AP5Z1: variants seen among roughly 807,000 people sequenced by gnomAD.
AP5Z1 encodes the protein adaptor related protein complex 5 subunit zeta 1, also known as AP-5 complex subunit zeta-1.
Under a neutral mutation model 83.0 loss-of-function variants are expected in AP5Z1, and 106 were observed. The observed-to-expected ratio is 1.28, with a 90% confidence interval of 1.09 to 1.50. AP5Z1 has a LOEUF of 1.50. Ranked by LOEUF, AP5Z1 falls within the 40% of genes most tolerant of loss-of-function variation. The pLI is 0.00. For missense variants in AP5Z1, 1,565 were observed against 1,094.2 expected (o/e 1.43, Z -6.07); for synonymous variants, 751 against 514.1 (o/e 1.46, Z -6.23).
Position 4,790,779 on chromosome 7 carries a change from C to T in AP5Z1, c.2045C>T (p.Thr682Ile), listed in dbSNP as rs1272533081. Residue 682 changes from threonine (T) to isoleucine (I), a missense_variant, in exon 16 of 17, where the codon ACC becomes ATC. By Grantham distance (89) the Thr-to-Ile change is moderately conservative. Coordinates refer to ENST00000649063, the MANE Select transcript of AP5Z1 (RefSeq NM_014855.3). ...CTGGAGGCTCTGCTATTCGAGGTCA[C>T]CCAGTGCCGCCCCTCTGCTGCCCTG... ...EALEALLFEV[T>I]QCRPSAALPR... 119 of 1,608,682 alleles carry T rather than the reference C, an allele frequency of 7.4e-5. No individual in the cohort carries two copies. Among genetic ancestry groups the T allele is most frequent in the Non-Finnish European group, 9.9e-5 (117 of 1,178,686 alleles).
In AP5Z1 at chr7:4,791,682, T is replaced by C; in HGVS notation, c.*297T>C. The C allele has an allele frequency of 2.1e-6, 1 of 486,320 alleles. No homozygotes were observed. The highest frequency in any genetic ancestry group is 3.6e-5 in the Admixed American group (1 of 27,626). The allele number at this position is 486,320 out of a possible 1,614,324, so 30.1% of individuals were successfully genotyped here. On this transcript the variant is annotated 3_prime_UTR_variant, in exon 17 of 17. Coordinates refer to ENST00000649063, the MANE Select transcript of AP5Z1 (RefSeq NM_014855.3). ...TGGGTCGGGTGGAGGCTGCTGGGTCTGTTTCCTAGTCTTTTGTTTTTGGAC... is the reference window on the plus strand; with the variant it reads ...TGGGTCGGGTGGAGGCTGCTGGGTCCGTTTCCTAGTCTTTTGTTTTTGGAC...
rs11768079 is a variant in AP5Z1, at chr7:4,785,683, C to G, written c.1131C>G (p.His377Gln). 1 of 1,528,648 alleles carries G rather than the reference C, an allele frequency of 6.5e-7. No homozygotes were observed. The highest frequency in any genetic ancestry group is 1.9e-5 in the Admixed American group (1 of 52,422). The allele number at this position is 1,528,648 out of a possible 1,614,324, so 94.7% of individuals were successfully genotyped here. Reference protein sequence around the residue: ...LLPLAHFFLSHGEAAAVDSEA... With the variant: ...LLPLAHFFLSQGEAAAVDSEA... The stretch of plus-strand genomic sequence containing the variant: ...CCCTCGCCCACTTCTTCCTGAGCCA[C>G]GGTGAGCCCAGGGTGGGGTGGCGCT... The change falls in exon 9 of 17, where the codon CAC (histidine) becomes CAG (glutamine). Residue 377 changes from histidine (H) to glutamine (Q), a missense_variant and splice_region_variant. His to Gln is a conservative substitution (Grantham distance 24). Transcript: ENST00000649063.
At chr7:4,783,574 G>T in intron 4 of AP5Z1, 114 bp downstream of exon 4, 2 of 1,533,416 alleles carry the variant, frequency 1.3e-6, no homozygotes, top group Non-Finnish European at 1.8e-6. Flanking sequence ...GGGGAGGCCC[G>T]AGGGTTTGGG....
At chr7:4,783,048 C>T (rs1031769777) in intron 3 of AP5Z1, among the ~76,000 whole-genome samples, 10 of 152,194 alleles carry the variant, frequency 6.6e-5, no homozygotes, top group East Asian at 1.9e-4. Flanking sequence ...CCATGGTGGC[C>T]GCCAGTGTGT....
At position 4,791,549 on chromosome 7, in the gene AP5Z1, T is replaced by C. The variant is rs1583243909; in HGVS notation, c.*164T>C. ...CACAGACACGCGGGGCTGGCCCCCCTGCTCACCCTCTGGGCTTTGTCTCCG... is the reference window on the plus strand; with the variant it reads ...CACAGACACGCGGGGCTGGCCCCCCCGCTCACCCTCTGGGCTTTGTCTCCG... On this transcript the variant is annotated 3_prime_UTR_variant, in exon 17 of 17. Coordinates refer to ENST00000649063, the MANE Select transcript of AP5Z1 (RefSeq NM_014855.3). The C allele has an allele frequency of 9.6e-7, 1 of 1,044,900 alleles. No homozygotes were observed. The highest frequency in any genetic ancestry group is 1.4e-6 in the Non-Finnish European group (1 of 736,254). 64.7% of individuals were successfully genotyped at this position (1,044,900 alleles called of 1,614,324 possible).
chr7:4,788,972 C>T (rs1781653443), intron 13 of AP5Z1, 21 bp downstream of exon 13: 1 of 1,598,764 alleles, frequency 6.3e-7, no homozygotes, highest in East Asian at 2.3e-5. Flanking sequence ...TGCCTGGGGC[C>T]CCCCATTCCC....
chr7:4,782,262 C>T (rs1781403050), intron 3 of AP5Z1, among the ~76,000 whole-genome samples: 2 of 152,102 alleles, frequency 1.3e-5, no homozygotes, highest in Admixed American at 1.3e-4. Context: ...CACTATGTTG[C>T]CCAGGCTGGT....
chr7:4,784,121 C>G, intron 5 of AP5Z1, 82 bp from the exon 6 acceptor site: 1 of 1,459,750 alleles, frequency 6.9e-7, no homozygotes, highest in Non-Finnish European at 9.1e-7. Context: ...TTCTCCTCCA[C>G]CTCCTGAGGA....
rs1217138575 is a variant in AP5Z1 at position 4,791,008 on chromosome 7, C to CTGAGCTAAAGCCACTCTGCT, written c.2154-106_2154-87dup. The CTGAGCTAAAGCCACTCTGCT allele has an allele frequency of 2.7e-6, 4 of 1,468,812 alleles. No individual in the cohort carries two copies. The African/African-American group carries it at 5.6e-5, about 21-fold the overall frequency. The allele number at this position is 1,468,812 out of a possible 1,614,324, so 91.0% of individuals were successfully genotyped here. A position where few individuals can be genotyped will look rare whatever the true frequency, so the allele number is the denominator to read the frequency against. ...CAGCGCAGGTCCTGGGTGGGCCCTG[C>CTGAGCTAAAGCCACTCTGCT]TGAGCTAAAGCCACTCTGCTGGGCG... On this transcript the variant is annotated intron_variant, in intron 16 of 16. Coordinates refer to ENST00000649063, the MANE Select transcript of AP5Z1 (RefSeq NM_014855.3).
intron 13 of AP5Z1, 164 bp downstream of exon 13, chr7:4,789,115 G>A (rs961794477): frequency 3.7e-5 from 23 of 614,442 alleles, no homozygotes; most frequent in Admixed American, 3.1e-4. Flanking sequence ...CCACAGCCCC[G>A]GCAGGCCCCG....
At chr7:4,788,092 C>A in intron 11 of AP5Z1, 62 bp from the exon 12 acceptor site, 8 of 1,459,156 alleles carry the variant, frequency 5.5e-6, no homozygotes, top group Non-Finnish European at 3.6e-6. Flanking sequence ...GTCTCCCTGA[C>A]GGGGGTGCCC....
intron 13 of AP5Z1, among the ~76,000 whole-genome samples, chr7:4,789,434 C>T (rs1264397475): frequency 1.3e-5 from 2 of 152,218 alleles, no homozygotes; most frequent in African/African-American, 2.4e-5. Flanking sequence ...AGGCTGGTGC[C>T]CCCCATCTCC....
intron 2 of AP5Z1, 30 bp downstream of exon 2, chr7:4,781,342 C>T (rs1222506183): frequency 6.2e-7 from 1 of 1,611,044 alleles, no homozygotes; most frequent in Admixed American, 1.7e-5. Context: ...AGGCCGGCTC[C>T]TCACACAGCG....
At chr7:4,791,058 G>C (rs753987599) in intron 16 of AP5Z1, 57 bp from the exon 17 acceptor site, 3 of 1,505,194 alleles carry the variant, frequency 2.0e-6, no homozygotes, top group Non-Finnish European at 1.8e-6. Flanking sequence ...CCTCCACACA[G>C]ACCCCTGTCC....
chr7:4,785,155 G>T, intron 7 of AP5Z1, 107 bp downstream of exon 7: 2 of 1,484,354 alleles, frequency 1.3e-6, no homozygotes, highest in South Asian at 1.4e-5. Context: ...CCACAGAGGG[G>T]GTCCCTGGGT....
chr7:4,779,694 G>A (rs1781328591), intron 1 of AP5Z1, among the ~76,000 whole-genome samples: 1 of 151,714 alleles, frequency 6.6e-6, no homozygotes. Context: ...AAGCTGGGGT[G>A]CAATGGCATG....
At chr7:4,784,727 C>G (rs1407452784) in intron 6 of AP5Z1, among the ~76,000 whole-genome samples, 181 bp from the exon 7 acceptor site, 5 of 152,210 alleles carry the variant, frequency 3.3e-5, no homozygotes, top group Non-Finnish European at 7.4e-5. Flanking sequence ...CTCAGCCACC[C>G]TGAAGGGCGG....
rs764887145 is a variant in AP5Z1, at chr7:4,788,920, T to C, written c.1676T>C (p.Leu559Pro). ...VAQCAQAVPTLLQAFFSAVTQ... is the reference protein window; with the variant it reads ...VAQCAQAVPTPLQAFFSAVTQ... ...CAGTGTGCCCAGGCCGTGCCCACGC[T>C]GCTGCAGGCATTCTTCTCAGCAGTG... Residue 559 changes from leucine to proline, a missense_variant, in exon 13 of 17, where the codon CTG becomes CCG. Physicochemically the swap from Leu to Pro is moderately conservative, Grantham distance 98. Coordinates refer to ENST00000649063, the MANE Select transcript of AP5Z1 (RefSeq NM_014855.3). The C allele has an allele frequency of 2.5e-6, 4 of 1,611,352 alleles. No homozygotes were observed. The African/African-American group carries it at 4.0e-5, about 16-fold the overall frequency.
In AP5Z1 at chr7:4,790,846, G is replaced by T. The variant is rs765844025; in HGVS notation, c.2112G>T (p.Thr704=). Residue 704 remains threonine, a synonymous_variant, in exon 16 of 17, where the codon ACG becomes ACT. Transcript: ENST00000649063. ...AGGTGGTCACCGTGCTGATGACCAC[G>T]CTGACGAAGCTGGCCTCCCGGAGCC... ...PPQVVTVLMT[T]LTKLASRSQD... is the part of the protein sequence containing the mutation. 6.2e-7 allele frequency: 1 copy of T among 1,608,224 alleles called. No individual in the cohort carries two copies. Among genetic ancestry groups the T allele is most frequent in the South Asian group, 1.1e-5 (1 of 89,838 alleles).
Sources: allele counts gnomAD v4.1 joint callset (sites outside exome capture counted in the v4.1 genomes callset), GRCh38; gene constraint gnomAD v4.1.1; transcripts MANE v1.5; gene names NCBI Gene and HGNC (gene_info 2026-07-23, HGNC 2026-07-21).